XKR4: variants seen among roughly 807,000 people sequenced by gnomAD.
The protein encoded by XKR4 is XK-related protein 4.
A neutral mutation model predicts 53.9 loss-of-function variants in XKR4; 12 were observed. The observed-to-expected ratio is 0.22, with a 90% CI of 0.14 to 0.36. The LOEUF is 0.36. XKR4 is among the 10% of genes least tolerant of loss of function. XKR4 has a pLI of 1.00. For missense variants in XKR4, 799 were observed against 859.5 expected (o/e 0.93, Z 0.88); for synonymous variants, 354 against 362.4 (o/e 0.98, Z 0.26).
chr8:55,160,938 G>A (rs1254020984), intron 1 of XKR4, among the ~76,000 whole-genome samples: 4 of 152,126 alleles, frequency 2.6e-5, no homozygotes, highest in Non-Finnish European at 5.9e-5. Flanking sequence ...GGTGTATTTC[G>A]GTGGGTGGAG....
chr8:55,454,497 G>A, intron 2 of XKR4: 3 of 1,218,982 alleles, frequency 2.5e-6, no homozygotes, highest in East Asian at 2.5e-5. Context: ...ACCAAAGACA[G>A]TACGTTGGTG....
At chr8:55,214,662 C>A (rs1003385057) in intron 1 of XKR4, among the ~76,000 whole-genome samples, 1 of 152,034 alleles carries the variant, frequency 6.6e-6, no homozygotes, top group Non-Finnish European at 1.5e-5. Flanking sequence ...CTGTAATGAC[C>A]GTGGTAATCT....
chr8:55,296,910 A>G (rs1819109391), intron 1 of XKR4, among the ~76,000 whole-genome samples: 1 of 152,244 alleles, frequency 6.6e-6, no homozygotes, highest in Non-Finnish European at 1.5e-5. Context: ...AATAAGGGCC[A>G]TCAGTTAATA....
intron 2 of XKR4, among the ~76,000 whole-genome samples, chr8:55,512,452 G>A (rs1806641679): frequency 6.6e-6 from 1 of 152,208 alleles, no homozygotes; most frequent in Non-Finnish European, 1.5e-5. Context: ...ACACCTGCAA[G>A]CTTTGGCCTG....
chr8:55,347,980 G>A (rs1436000721), intron 1 of XKR4, among the ~76,000 whole-genome samples: 1 of 151,998 alleles, frequency 6.6e-6, no homozygotes, highest in Non-Finnish European at 1.5e-5. Flanking sequence ...TCCTCAAAAG[G>A]AAAACCTTAG....
At chr8:55,229,274 C>T (rs1313784256) in intron 1 of XKR4, among the ~76,000 whole-genome samples, 1 of 152,212 alleles carries the variant, frequency 6.6e-6, no homozygotes, top group Non-Finnish European at 1.5e-5. Context: ...GCACCTCAGA[C>T]CAATGCTCCT....
intron 1 of XKR4, among the ~76,000 whole-genome samples, chr8:55,255,823 C>T (rs758153061): frequency 1.3e-5 from 2 of 151,990 alleles, no homozygotes; most frequent in East Asian, 1.9e-4. Context: ...AGAGCTGGTG[C>T]GATACAAATG....
At chr8:55,460,647 G>T (rs1012601120) in intron 2 of XKR4, among the ~76,000 whole-genome samples, 1 of 152,120 alleles carries the variant, frequency 6.6e-6, no homozygotes, top group Non-Finnish European at 1.5e-5. Flanking sequence ...GACAGTGGGC[G>T]CAGCGCACCA....
intron 1 of XKR4, among the ~76,000 whole-genome samples, chr8:55,176,870 G>GCTCATT (rs1382153444): frequency 6.6e-6 from 1 of 152,002 alleles, no homozygotes; most frequent in African/African-American, 2.4e-5. Context: ...TTACTCCGTG[G>GCTCATT]CTCATTCGCT....
At position 55,532,567 on chromosome 8, in the gene XKR4, G is replaced by A. The variant is rs1038263164; in HGVS notation, c.*8340G>A. The stretch of plus-strand genomic sequence containing the variant: ...TCCCAACACTTTGGGAGGCTGAGGC[G>A]GGCGGATCACAAGGTCAGGAGATCG... On this transcript the variant is annotated 3_prime_UTR_variant, in exon 3 of 3. Transcript: ENST00000327381. 3.9e-5 allele frequency: 6 copies of A among 152,020 alleles called. No individual in the cohort carries two copies. The highest frequency in any genetic ancestry group is 1.2e-4 in the African/African-American group (5 of 41,364). 9.4% of individuals were successfully genotyped at this position (152,020 alleles called of 1,614,324 possible).
intron 2 of XKR4, among the ~76,000 whole-genome samples, chr8:55,403,594 C>T (rs985305129): frequency 6.6e-6 from 1 of 152,216 alleles, no homozygotes; most frequent in Non-Finnish European, 1.5e-5. Flanking sequence ...CCATTTTTCT[C>T]GTCACTGTAT....
chr8:55,335,199 A>G (rs1803442145), intron 1 of XKR4, among the ~76,000 whole-genome samples: 1 of 152,204 alleles, frequency 6.6e-6, no homozygotes, highest in Non-Finnish European at 1.5e-5. Flanking sequence ...GTTAACAACT[A>G]TATTAAGGAA....
At chr8:55,125,106 A>T (rs560835934) in intron 1 of XKR4, among the ~76,000 whole-genome samples, 1 of 152,368 alleles carries the variant, frequency 6.6e-6, no homozygotes, top group Admixed American at 6.5e-5. Flanking sequence ...TTGATGGTAG[A>T]AGTAAGTATA....
intron 1 of XKR4, among the ~76,000 whole-genome samples, chr8:55,228,417 T>G (rs1198060006): frequency 1.3e-5 from 2 of 152,248 alleles, no homozygotes; most frequent in Non-Finnish European, 2.9e-5. Context: ...AGAAATCATT[T>G]TTAAGGAAAG....
chr8:55,519,575 G>T (rs1286622643), intron 2 of XKR4, among the ~76,000 whole-genome samples: 2 of 151,968 alleles, frequency 1.3e-5, no homozygotes, highest in Non-Finnish European at 2.9e-5. Flanking sequence ...CCAGATTAAA[G>T]AAAACTGAAT....
chr8:55,272,629 G>T (rs888374647), intron 1 of XKR4, among the ~76,000 whole-genome samples: 1 of 152,090 alleles, frequency 6.6e-6, no homozygotes, highest in East Asian at 1.9e-4. Context: ...TGTCTTCCCT[G>T]CCAGTATGTT....
At chr8:55,451,546 A>C in intron 2 of XKR4, 1 of 1,057,814 alleles carries the variant, frequency 9.5e-7, no homozygotes, top group African/African-American at 1.6e-5. Context: ...TATGCCGTAC[A>C]GGCCCCCAGA....
Position 55,459,736 on chromosome 8 carries a change from A to C in XKR4, c.1007-63545A>C, listed in dbSNP as rs866996950. 7.9e-5 allele frequency among the ~76,000 whole-genome samples: 12 copies of C among 152,238 alleles called. 1 individual carries two copies. The highest frequency in any genetic ancestry group is 3.9e-4 in the Admixed American group (6 of 15,284). ...AAAAGTAAATTAAAAGCGCACACCC[A>C]CTATAATGACTGCAATAAAAAAGAT... On this transcript the variant is annotated intron_variant, in intron 2 of 2. Transcript: ENST00000327381.
intron 2 of XKR4, among the ~76,000 whole-genome samples, chr8:55,519,477 T>C (rs970795338): frequency 6.6e-6 from 1 of 151,548 alleles, no homozygotes; most frequent in Non-Finnish European, 1.5e-5. Flanking sequence ...TAGGAACACC[T>C]TTTTTTTTCT....
Sources: allele counts gnomAD v4.1 joint callset (sites outside exome capture counted in the v4.1 genomes callset), GRCh38; gene constraint gnomAD v4.1.1; transcripts MANE v1.5; gene names NCBI Gene and HGNC (gene_info 2026-07-23, HGNC 2026-07-21).